Variants in UMODL1 observed in about 807,000 individuals in gnomAD.
UMODL1 encodes uromodulin-like 1.
In UMODL1, 128 loss-of-function variants were observed where a neutral mutation model predicts 136.3. That is an observed-to-expected ratio of 0.94 (90% CI 0.81 to 1.09). The LOEUF (loss-of-function observed/expected upper bound fraction) is 1.09. Ranked by LOEUF, UMODL1 falls within the 50% of genes least tolerant of loss-of-function variation. The probability of loss-of-function intolerance (pLI) is 0.00; values close to 1 mark genes in which losing one functional copy is unlikely to be tolerated. For synonymous variants in UMODL1, 721 were observed against 720.0 expected, an observed-to-expected ratio of 1.00 and a Z score of -0.02; for missense variants, 1,766 against 1,725.6, an observed-to-expected ratio of 1.02 and a Z score of -0.41.
At chr21:42,064,416 G>T (rs1259158758) in intron 1 of UMODL1, among the ~76,000 whole-genome samples, 2 of 152,206 alleles carry the variant, frequency 1.3e-5, no homozygotes, top group Non-Finnish European at 2.9e-5. Context: ...TCTTGAGTCT[G>T]CCTACGTTGG....
At chr21:42,110,411 C>T (rs2066803844) in intron 10 of UMODL1, among the ~76,000 whole-genome samples, 1 of 152,320 alleles carries the variant, frequency 6.6e-6, no homozygotes, top group East Asian at 1.9e-4. Flanking sequence ...TTAGACACTG[C>T]GTGTGCTGTC....
rs111996953 is a variant in UMODL1, at chr21:42,126,399, G to A, written c.3202G>A (p.Gly1068Ser). 0.077 allele frequency: 123,890 copies of A among 1,614,100 alleles called. 5,307 individuals are homozygous for A. Among genetic ancestry groups the A allele is most frequent in the Non-Finnish European group, 0.088 (103,949 of 1,179,964 alleles). The change falls in exon 18 of 23, where the codon GGC becomes AGC. Residue 1068 changes from glycine to serine, a missense_variant. Coordinates refer to ENST00000408910, the MANE Select transcript of UMODL1 (RefSeq NM_001004416.3). ...TTLRNDLSQE[G>S]IIHHLKILSP... ...GCTGAGGAACGACCTGTCCCAGGAG[G>A]GCATCATCCACCACCTGAAGATCCT...
At position 42,099,221 on chromosome 21, in the gene UMODL1, T is replaced by G; in HGVS notation, c.1186+41T>G. The stretch of plus-strand genomic sequence containing the variant: ...AGAGACCCACGTTAGCTTGCGAGCT[T>G]GTCTTTCTATCCCAGGTCTGTGGCC... On this transcript the variant is annotated intron_variant, in intron 7 of 22. Transcript: ENST00000408910. This position sits in a 1 kb window ranked among gnomAD's most constrained non-coding sequence, Gnocchi z 4.1. The G allele has an allele frequency of 6.3e-7, 1 of 1,597,696 alleles. No homozygotes were observed. Among genetic ancestry groups the G allele is most frequent in the Non-Finnish European group, 8.5e-7 (1 of 1,170,242 alleles).
chr21:42,133,868 T>C (rs1452164900), intron 21 of UMODL1, among the ~76,000 whole-genome samples: 3 of 151,510 alleles, frequency 2.0e-5, no homozygotes, highest in Admixed American at 2.0e-4. Flanking sequence ...TACTAAGGGT[T>C]AGGATTTCAA....
intron 8 of UMODL1, 55 bp from the exon 9 acceptor site, chr21:42,103,813 G>T (rs775426076): frequency 2.5e-6 from 4 of 1,602,746 alleles, no homozygotes; most frequent in Non-Finnish European, 3.4e-6. Flanking sequence ...CTGGAACCCT[G>T]CTTAATGGTC....
chr21:42,102,158 T>A lies in UMODL1; in HGVS notation c.1187-8T>A, dbSNP rs200913339. The A allele has an allele frequency of 6.2e-7, 1 of 1,605,328 alleles. No individual in the cohort carries two copies. Among genetic ancestry groups the A allele is most frequent in the Non-Finnish European group, 8.5e-7 (1 of 1,173,216 alleles). The stretch of plus-strand genomic sequence containing the variant: ...CCACAGGCTAATTTGTTTCACTGTC[T>A]GTCTCAGATGCCCAGGTATTTGAAG... On this transcript the variant is annotated splice_polypyrimidine_tract_variant and splice_region_variant and intron_variant, in intron 7 of 22. Coordinates refer to ENST00000408910, the MANE Select transcript of UMODL1 (RefSeq NM_001004416.3).
intron 17 of UMODL1, among the ~76,000 whole-genome samples, chr21:42,124,520 T>G (rs1487117539): frequency 1.3e-5 from 2 of 152,046 alleles, no homozygotes; most frequent in Non-Finnish European, 2.9e-5. Context: ...TAAGAGTCTG[T>G]CCGAGTGGTT....
At chr21:42,089,581 G>A (rs890173799) in intron 5 of UMODL1, among the ~76,000 whole-genome samples, 2 of 152,212 alleles carry the variant, frequency 1.3e-5, no homozygotes, top group Non-Finnish European at 2.9e-5. Context: ...ATAGGATGTG[G>A]GTTTTGACTG....
chr21:42,125,943 T>C (rs866726617), intron 17 of UMODL1, among the ~76,000 whole-genome samples: 3 of 152,242 alleles, frequency 2.0e-5, no homozygotes, highest in South Asian at 2.1e-4. Flanking sequence ...ACCAGACCAA[T>C]GCTTGGCTTG....
Position 42,127,372 on chromosome 21 carries a change from A to G in UMODL1, c.3530+130A>G. On this transcript the variant is annotated intron_variant, in intron 19 of 22. Coordinates refer to ENST00000408910, the MANE Select transcript of UMODL1 (RefSeq NM_001004416.3). ...GCTTCATTAACAATAGGTAGGGCTCAGGAGTGCAGGCACCCCTGTCCAGCA... is the reference window on the plus strand; with the variant it reads ...GCTTCATTAACAATAGGTAGGGCTCGGGAGTGCAGGCACCCCTGTCCAGCA... The G allele has an allele frequency of 5.5e-6, 5 of 916,522 alleles. No individual in the cohort carries two copies. The South Asian group carries it at 7.7e-5, about 14-fold the overall frequency. The allele number at this position is 916,522 out of a possible 1,614,324, so 56.8% of individuals were successfully genotyped here. A position where few individuals can be genotyped will look rare whatever the true frequency, so the allele number is the denominator to read the frequency against.
intron 6 of UMODL1, chr21:42,093,258 G>C (rs1450403164): frequency 3.3e-5 from 5 of 152,272 alleles, no homozygotes; most frequent in Non-Finnish European, 7.3e-5. Flanking sequence ...TGTCACCCAG[G>C]CTGGAGTGCA....
In UMODL1 at chr21:42,074,404, T is replaced by G. The variant is rs1007614686; in HGVS notation, c.77-1601T>G. ...CTGCAGATAAGGTCATATTCTGAGTTACTGGGGTTTAGGACTTTAACACAC... is the reference window on the plus strand; with the variant it reads ...CTGCAGATAAGGTCATATTCTGAGTGACTGGGGTTTAGGACTTTAACACAC... On this transcript the variant is annotated intron_variant, in intron 1 of 22. Transcript: ENST00000408910. 1.2e-4 allele frequency among the ~76,000 whole-genome samples: 18 copies of G among 152,242 alleles called. 1 individual carries two copies. Among genetic ancestry groups the G allele is most frequent in the Admixed American group, 1.3e-4 (2 of 15,288 alleles).
At chr21:42,101,824 A>T (rs1027760745) in intron 7 of UMODL1, 9 of 445,976 alleles carry the variant, frequency 2.0e-5, no homozygotes, top group Non-Finnish European at 4.0e-5. Flanking sequence ...TCGTGTGAGT[A>T]CCTCCTGGGC....
intron 9 of UMODL1, among the ~76,000 whole-genome samples, chr21:42,109,137 A>C (rs1364383255): frequency 1.1e-4 from 10 of 90,546 alleles, no homozygotes; most frequent in Admixed American, 2.9e-4. Flanking sequence ...CCCACCCCCC[A>C]TGCGGAAAGT....
intron 5 of UMODL1, among the ~76,000 whole-genome samples, chr21:42,089,897 C>A (rs1052460397): frequency 2.0e-5 from 3 of 152,196 alleles, no homozygotes; most frequent in African/African-American, 7.2e-5. Flanking sequence ...CCTGGGCCAG[C>A]CTCAGAACGT....
intron 21 of UMODL1, among the ~76,000 whole-genome samples, chr21:42,130,039 G>A (rs1281160972): frequency 6.6e-6 from 1 of 152,190 alleles, no homozygotes; most frequent in Non-Finnish European, 1.5e-5. Context: ...TGGAGCATGA[G>A]CTATTACCAT....
intron 8 of UMODL1, chr21:42,103,377 G>A: frequency 3.3e-6 from 1 of 301,522 alleles, no homozygotes; most frequent in Non-Finnish European, 6.6e-6. Flanking sequence ...AGGGAACCAG[G>A]CTGGTATCTC....
rs748653051 is a variant in UMODL1 at position 42,090,406 on chromosome 21, C to T, written c.899C>T (p.Thr300Met). Residue 300 changes from threonine (T) to methionine (M), a missense_variant, in exon 6 of 23, where the codon ACG becomes ATG. Physicochemically the swap from Thr to Met is moderately conservative, Grantham distance 81. Coordinates refer to ENST00000408910, the MANE Select transcript of UMODL1 (RefSeq NM_001004416.3). ...WCVCHQEAPA[T>M]SPRKLNLEWE... Reference sequence around the variant, plus strand: ...GTCTGTCACCAGGAAGCTCCAGCCACGTCTCCACGGAAGCTGAACCTGGAG... The same window carrying T: ...GTCTGTCACCAGGAAGCTCCAGCCATGTCTCCACGGAAGCTGAACCTGGAG... 49 of 1,613,860 alleles carry T rather than the reference C, an allele frequency of 3.0e-5. No homozygotes were observed. The highest frequency in any genetic ancestry group is 1.8e-4 in the Admixed American group (11 of 59,992).
Position 42,103,935 on chromosome 21 carries a change from T to C in UMODL1, c.1367T>C (p.Val456Ala), listed in dbSNP as rs754101934. ...YRSGKLRMQI[V>A]SLQAGSVVVR... is the part of the protein sequence containing the mutation. ...AGTGGGAAGCTGAGAATGCAGATCG[T>C]GTCTCTCCAGGCGGGAAGTGTGGTC... Residue 456 changes from valine (V) to alanine (A), a missense_variant, in exon 9 of 23, where the codon GTG becomes GCG. Val to Ala is a moderately conservative substitution (Grantham distance 64). Coordinates refer to ENST00000408910, the MANE Select transcript of UMODL1 (RefSeq NM_001004416.3). The C allele has an allele frequency of 1.2e-6, 2 of 1,614,174 alleles. No individual in the cohort carries two copies. The highest frequency in any genetic ancestry group is 1.7e-6 in the Non-Finnish European group (2 of 1,180,028).
Sources: gnomAD v4.1 joint callset for allele counts (sites outside exome capture counted in the v4.1 genomes callset) on GRCh38, gnomAD v4.1.1 for gene constraint, Gnocchi (gnomAD v3.1) non-coding constraint, MANE v1.5 for transcripts, NCBI Gene and HGNC (gene_info 2026-07-23, HGNC 2026-07-21) for gene names.